Variants in TNFRSF11A observed in about 807,000 individuals in gnomAD.
TNFRSF11A encodes the protein TNF receptor superfamily member 11a, also known as tumor necrosis factor receptor superfamily member 11A.
In TNFRSF11A, 32 loss-of-function variants were observed where a neutral mutation model predicts 55.7. The observed-to-expected ratio is 0.57, with a 90% CI of 0.43 to 0.77. The LOEUF (loss-of-function observed/expected upper bound fraction) is 0.77, where lower values mean the gene tolerates loss of function less well. Among genes scored for constraint, TNFRSF11A ranks in the 30% least tolerant of loss-of-function variants. The pLI is 0.00. For synonymous variants in TNFRSF11A, 311 were observed against 331.0 expected (o/e 0.94, Z 0.65); for missense variants, 753 against 809.8 (o/e 0.93, Z 0.85).
At chr18:62,366,825 C>A in intron 8 of TNFRSF11A, 65 bp downstream of exon 8, 2 of 1,524,056 alleles carry the variant, frequency 1.3e-6, no homozygotes, top group Non-Finnish European at 1.8e-6. Flanking sequence ...TAGAGCCATC[C>A]TAGTCACATA....
rs1600440943 is a variant in TNFRSF11A, at chr18:62,390,965, A to C, written c.*5931A>C. On this transcript the variant is annotated 3_prime_UTR_variant, in exon 10 of 10. Transcript: ENST00000586569. ...TGTAACCACCACCATCACAATCAAGATATAGAATATTTCAACATCCCAAAG... is the reference window on the plus strand; with the variant it reads ...TGTAACCACCACCATCACAATCAAGCTATAGAATATTTCAACATCCCAAAG... 6.6e-6 allele frequency: 1 copy of C among 152,334 alleles called. No homozygotes were observed. Among genetic ancestry groups the C allele is most frequent in the East Asian group, 1.9e-4 (1 of 5,190 alleles). The allele number at this position is 152,334 out of a possible 1,614,324, so 9.4% of individuals were successfully genotyped here.
chr18:62,382,203 TG>T (rs1320940720), intron 9 of TNFRSF11A, among the ~76,000 whole-genome samples: 3 of 143,994 alleles, frequency 2.1e-5, no homozygotes, highest in African/African-American at 7.7e-5. Context: ...CTCCGCCTCC[TG>T]GGTTCAAGCA....
At chr18:62,362,580 T>C (rs1412046313) in intron 7 of TNFRSF11A, among the ~76,000 whole-genome samples, 1 of 151,290 alleles carries the variant, frequency 6.6e-6, no homozygotes, top group Non-Finnish European at 1.5e-5. Context: ...GAATAGACGG[T>C]CAAGTCTTAT....
At chr18:62,345,928 G>A (rs1327334296) in intron 1 of TNFRSF11A, among the ~76,000 whole-genome samples, 1 of 152,154 alleles carries the variant, frequency 6.6e-6, no homozygotes, top group Non-Finnish European at 1.5e-5. Context: ...GAGGATAGGT[G>A]GGTTGAATGA....
intron 1 of TNFRSF11A, among the ~76,000 whole-genome samples, chr18:62,330,516 C>T (rs913717819): frequency 6.6e-6 from 1 of 152,184 alleles, no homozygotes; most frequent in African/African-American, 2.4e-5. Flanking sequence ...AAAGCCAGCA[C>T]TCAAAGGCTT....
chr18:62,381,056 G>A (rs906796218), intron 9 of TNFRSF11A, among the ~76,000 whole-genome samples: 5 of 151,936 alleles, frequency 3.3e-5, no homozygotes, highest in Admixed American at 1.3e-4. Flanking sequence ...CACCCACTTC[G>A]GCCTCCCAAA....
intron 5 of TNFRSF11A, among the ~76,000 whole-genome samples, chr18:62,359,417 T>A (rs138206476): frequency 2.3e-4 from 35 of 152,302 alleles, no homozygotes; most frequent in African/African-American, 7.5e-4. Context: ...TCTCGCTCTG[T>A]TGCCCAGGCC....
At chr18:62,328,532 A>G (rs2046106964) in intron 1 of TNFRSF11A, among the ~76,000 whole-genome samples, 2 of 152,178 alleles carry the variant, frequency 1.3e-5, no homozygotes, top group Admixed American at 6.5e-5. Context: ...GTTTTGAGGT[A>G]ACTCTTGGAT....
chr18:62,368,871 C>T lies in TNFRSF11A; in HGVS notation c.954C>T (p.Tyr318=), dbSNP rs200952751. ...CQGTCVGGGP[Y]AQGEDARMLS... ...GCACATGTGTAGGAGGTGGTCCCTA[C>T]GCACAAGGCGAAGATGCCAGGATGC... Residue 318 remains tyrosine, a synonymous_variant, in exon 9 of 10, where the codon TAC becomes TAT. Transcript: ENST00000586569. 207 of 1,614,110 alleles carry T rather than the reference C, an allele frequency of 1.3e-4. No homozygotes were observed. Among genetic ancestry groups the T allele is most frequent in the Non-Finnish European group, 1.6e-4 (190 of 1,180,044 alleles).
At chr18:62,339,356 C>T (rs2046279580) in intron 1 of TNFRSF11A, among the ~76,000 whole-genome samples, 1 of 152,194 alleles carries the variant, frequency 6.6e-6, no homozygotes. Flanking sequence ...CCAGCTTGTG[C>T]ACTTCCTCTT....
intron 1 of TNFRSF11A, among the ~76,000 whole-genome samples, chr18:62,328,043 T>A (rs1231060693): frequency 6.6e-6 from 1 of 152,260 alleles, no homozygotes; most frequent in African/African-American, 2.4e-5. Flanking sequence ...AGCAGGTGCG[T>A]GCATACGCAG....
At chr18:62,353,153 G>T (rs931782543) in intron 3 of TNFRSF11A, among the ~76,000 whole-genome samples, 1 of 152,180 alleles carries the variant, frequency 6.6e-6, no homozygotes, top group African/African-American at 2.4e-5. Flanking sequence ...ATTACTCCTA[G>T]TGGATTACAG....
At chr18:62,344,048 A>T (rs2046349189) in intron 1 of TNFRSF11A, among the ~76,000 whole-genome samples, 1 of 152,228 alleles carries the variant, frequency 6.6e-6, no homozygotes, top group Admixed American at 6.5e-5. Flanking sequence ...GCCAGCCTCC[A>T]AGGCGGCTGT....
At chr18:62,368,374 G>A (rs527958066) in intron 8 of TNFRSF11A, among the ~76,000 whole-genome samples, 1 of 152,316 alleles carries the variant, frequency 6.6e-6, no homozygotes, top group South Asian at 2.1e-4. Context: ...GTTTACAGTT[G>A]TTTTGGGGTT....
chr18:62,342,823 G>C (rs2046333340), intron 1 of TNFRSF11A, among the ~76,000 whole-genome samples: 1 of 152,222 alleles, frequency 6.6e-6, no homozygotes, highest in African/African-American at 2.4e-5. Flanking sequence ...CAAAGAAATG[G>C]ACAAGAACCA....
intron 4 of TNFRSF11A, among the ~76,000 whole-genome samples, chr18:62,357,565 A>G (rs1471760090): frequency 6.6e-6 from 1 of 152,208 alleles, no homozygotes; most frequent in East Asian, 1.9e-4. Flanking sequence ...CTTTCATGCT[A>G]TGAGTAGCTG....
chr18:62,334,617 T>C (rs151251696), intron 1 of TNFRSF11A, among the ~76,000 whole-genome samples: 21 of 152,348 alleles, frequency 1.4e-4, no homozygotes, highest in African/African-American at 4.8e-4. Context: ...CAATTATAGC[T>C]AATCTGGGGA....
intron 4 of TNFRSF11A, chr18:62,357,924 T>G: frequency 6.7e-6 from 2 of 296,796 alleles, no homozygotes; most frequent in Non-Finnish European, 1.3e-5. Flanking sequence ...ACCAGGGGAG[T>G]GGCTCAGAAC....
chr18:62,343,980 A>G (rs2046348396), intron 1 of TNFRSF11A, among the ~76,000 whole-genome samples: 1 of 152,098 alleles, frequency 6.6e-6, no homozygotes, highest in Admixed American at 6.5e-5. Flanking sequence ...GCTTTTCTAA[A>G]CAAGACCTCT....
Sources: allele counts gnomAD v4.1 joint callset (sites outside exome capture counted in the v4.1 genomes callset), GRCh38; gene constraint gnomAD v4.1.1; transcripts MANE v1.5; gene names NCBI Gene and HGNC (gene_info 2026-07-23, HGNC 2026-07-21).